UACA: variants seen among roughly 807,000 people sequenced by gnomAD.
UACA encodes nuclear membrane binding protein.
A neutral mutation model predicts 160.5 loss-of-function variants in UACA; 112 were observed. That is an observed-to-expected ratio of 0.70 (90% CI 0.60 to 0.82). The LOEUF (loss-of-function observed/expected upper bound fraction) is 0.82, where lower values mean the gene tolerates loss of function less well. Among genes scored for constraint, UACA ranks in the 40% least tolerant of loss-of-function variants. UACA has a pLI of 0.00. For missense variants in UACA, 1,574 were observed against 1,614.6 expected (o/e 0.97, Z 0.43); for synonymous variants, 557 against 568.4 (o/e 0.98, Z 0.29).
chr15:70,684,443 A>G lies in UACA; in HGVS notation c.606T>C (p.Thr202=). 1 of 1,595,610 alleles carries G rather than the reference A, an allele frequency of 6.3e-7. No homozygotes were observed. The highest frequency in any genetic ancestry group is 1.4e-5 in the African/African-American group (1 of 73,770). The part of the protein sequence containing the change: ...DVNSRDKQNR[T]ALMLGCEYGC... The stretch of plus-strand genomic sequence containing the variant: ...CATATTCGCAACCTAGCATGAGGGC[A>G]GTTCTAAATGGAAAAATGGAAGAGC... Residue 202 remains threonine, a synonymous_variant, in exon 8 of 19, where the codon ACT becomes ACC. Transcript: ENST00000322954.
At chr15:70,765,516 C>G (rs1285080346), upstream of UACA, among the ~76,000 whole-genome samples, 2 of 152,138 alleles carry the variant, frequency 1.3e-5, no homozygotes, top group African/African-American at 2.4e-5. Flanking sequence ...GCAATTATAC[C>G]TCTCATATGA....
At chr15:70,682,514 G>A (rs1369026439) in intron 9 of UACA, among the ~76,000 whole-genome samples, 1 of 152,048 alleles carries the variant, frequency 6.6e-6, no homozygotes, top group Admixed American at 6.6e-5. Flanking sequence ...CTAATCAGGA[G>A]GCTATCTCTT....
intron 1 of UACA, among the ~76,000 whole-genome samples, chr15:70,751,887 A>T (rs1319225650): frequency 6.6e-6 from 1 of 152,152 alleles, no homozygotes; most frequent in Non-Finnish European, 1.5e-5. Context: ...ATAAAATGTT[A>T]ATTTTTAAAA....
At chr15:70,694,301 A>ATGTACAAACTTCTTTGG (rs1898049192) in intron 3 of UACA, among the ~76,000 whole-genome samples, 1 of 152,150 alleles carries the variant, frequency 6.6e-6, no homozygotes, top group Non-Finnish European at 1.5e-5. Context: ...AACTTCTTTG[A>ATGTACAAACTTCTTTGG]TGTACAAACC....
At chr15:70,705,769 CAAGCAAT>C (rs1898507490) in intron 1 of UACA, among the ~76,000 whole-genome samples, 1 of 152,054 alleles carries the variant, frequency 6.6e-6, no homozygotes, top group Admixed American at 6.5e-5. Flanking sequence ...AGAAACCTAT[CAAGCAAT>C]CATAAGTCAC....
At chr15:70,754,205 G>A in intron 1 of UACA, 1 of 454,828 alleles carries the variant, frequency 2.2e-6, no homozygotes, top group Non-Finnish European at 4.4e-6. Flanking sequence ...AGGATACCTG[G>A]CCAGGTCCCA....
At chr15:70,750,756 A>G (rs1487289506) in intron 1 of UACA, among the ~76,000 whole-genome samples, 3 of 152,178 alleles carry the variant, frequency 2.0e-5, no homozygotes, top group African/African-American at 7.2e-5. Context: ...CTGTAGTCCC[A>G]GCTACGCACT....
chr15:70,681,558 TATTTTA>T (rs996812816), intron 9 of UACA: 9 of 152,224 alleles, frequency 5.9e-5, no homozygotes, highest in African/African-American at 2.2e-4. Flanking sequence ...TAATTCTTTT[TATTTTA>T]AATATCTATA....
intron 1 of UACA, among the ~76,000 whole-genome samples, chr15:70,728,494 C>T (rs889957532): frequency 6.1e-5 from 9 of 148,350 alleles, no homozygotes; most frequent in Admixed American, 4.1e-4. Flanking sequence ...ACCCAGGAGG[C>T]GGAGGTTGCG....
At chr15:70,676,070 G>T (rs956897385) in intron 13 of UACA, among the ~76,000 whole-genome samples, 4 of 152,202 alleles carry the variant, frequency 2.6e-5, no homozygotes, top group African/African-American at 9.6e-5. Flanking sequence ...AAAGACAAAA[G>T]ATTCATGCTG....
chr15:70,763,543 G>C lies in UACA; in HGVS notation c.-136C>G. On this transcript the variant is annotated 5_prime_UTR_variant, in exon 1 of 19. Coordinates refer to ENST00000322954, the MANE Select transcript of UACA (RefSeq NM_018003.4). ...ACCTGCCTGCCACCTGCGGGCCCCGGGCAGCAGACGTCGACAGGCCTGAGG... is the reference window on the plus strand; with the variant it reads ...ACCTGCCTGCCACCTGCGGGCCCCGCGCAGCAGACGTCGACAGGCCTGAGG... 1 of 1,245,130 alleles carries C rather than the reference G, an allele frequency of 8.0e-7. No homozygotes were observed. The highest frequency in any genetic ancestry group is 1.0e-6 in the Non-Finnish European group (1 of 991,564). 77.1% of individuals were successfully genotyped at this position (1,245,130 alleles called of 1,614,324 possible).
intron 5 of UACA, among the ~76,000 whole-genome samples, chr15:70,689,761 TAA>T (rs1419637703): frequency 6.6e-6 from 1 of 152,072 alleles, no homozygotes; most frequent in Non-Finnish European, 1.5e-5. Flanking sequence ...CCTAAATATA[TAA>T]CTTTTTTCAA....
At chr15:70,743,814 G>A (rs2141004485) in intron 1 of UACA, among the ~76,000 whole-genome samples, 1 of 152,226 alleles carries the variant, frequency 6.6e-6, no homozygotes, top group Non-Finnish European at 1.5e-5. Context: ...AAAGCCAAAA[G>A]CAAAAGACTC....
At chr15:70,768,813 A>G in the UACA span, among the ~76,000 whole-genome samples, 1 of 152,324 alleles carries the variant, frequency 6.6e-6, no homozygotes, top group Admixed American at 6.5e-5. Flanking sequence ...CCTTGATTTT[A>G]AACTTAAAAT....
the UACA span, among the ~76,000 whole-genome samples, chr15:70,777,360 G>A: frequency 6.6e-6 from 1 of 152,126 alleles, no homozygotes; most frequent in African/African-American, 2.4e-5. Context: ...GAGGCCAGGA[G>A]GGACATATGA....
chr15:70,667,328 G>C lies in UACA; in HGVS notation c.3356C>G (p.Ala1119Gly). The C allele has an allele frequency of 6.2e-7, 1 of 1,612,618 alleles. No individual in the cohort carries two copies. Among genetic ancestry groups the C allele is most frequent in the Non-Finnish European group, 8.5e-7 (1 of 1,179,728 alleles). The change falls in exon 16 of 19, where the codon GCT becomes GGT. Residue 1119 changes from alanine to glycine, a missense_variant. By Grantham distance (60) the Ala-to-Gly change is moderately conservative (BLOSUM62 0). Coordinates refer to ENST00000322954, the MANE Select transcript of UACA (RefSeq NM_018003.4). ...TGTGCCATTAAGAGATTTTTTCAGA[G>C]CCTCAACCTGTTCCAATGGAACATG... The part of the protein sequence containing the change: ...KQHVPLEQVE[A>G]LKKSLNGTIE...
chr15:70,657,349 G>A (rs1213139746), intron 18 of UACA, among the ~76,000 whole-genome samples: 2 of 152,098 alleles, frequency 1.3e-5, no homozygotes, highest in Non-Finnish European at 2.9e-5. Flanking sequence ...GGTGGCTCAC[G>A]CCTGCAATCC....
chr15:70,750,726 T>A (rs2029996433), intron 1 of UACA, among the ~76,000 whole-genome samples: 1 of 152,076 alleles, frequency 6.6e-6, no homozygotes, highest in Non-Finnish European at 1.5e-5. Context: ...ACAAAATTAG[T>A]CAGGCATGGT....
At chr15:70,689,347 T>C (rs1038431029) in intron 5 of UACA, among the ~76,000 whole-genome samples, 2 of 152,196 alleles carry the variant, frequency 1.3e-5, no homozygotes, top group African/African-American at 4.8e-5. Flanking sequence ...TGCATCTAAC[T>C]AATAAGTATA....
Sources: gnomAD v4.1 joint callset for allele counts (sites outside exome capture counted in the v4.1 genomes callset) on GRCh38, gnomAD v4.1.1 for gene constraint, MANE v1.5 for transcripts, NCBI Gene and HGNC (gene_info 2026-07-23, HGNC 2026-07-21) for gene names.